Variants in RSRC1 observed in about 807,000 individuals in gnomAD.
The protein encoded by RSRC1 is arginine and serine rich coiled-coil 1, also known as serine/Arginine-related protein 53.
Under a neutral mutation model 49.1 loss-of-function variants are expected in RSRC1, and 39 were observed. The observed-to-expected ratio is 0.79, with a 90% CI of 0.61 to 1.04. The LOEUF is 1.04. Among genes scored for constraint, RSRC1 ranks in the 50% least tolerant of loss-of-function variants. The pLI is 0.00. For missense variants in RSRC1, 388 were observed against 402.4 expected (o/e 0.96, Z 0.31); for synonymous variants, 143 against 130.8 (o/e 1.09, Z -0.63).
chr3:158,270,021 AT>A (rs1429733639), intron 4 of RSRC1, among the ~76,000 whole-genome samples: 2 of 152,102 alleles, frequency 1.3e-5, no homozygotes, highest in African/African-American at 2.4e-5. Context: ...TAGACAGAAG[AT>A]TTTGTTTCCT....
At chr3:158,406,861 A>G (rs377458322) in intron 6 of RSRC1, among the ~76,000 whole-genome samples, 1 of 152,226 alleles carries the variant, frequency 6.6e-6, no homozygotes, top group East Asian at 1.9e-4. Flanking sequence ...TCCTTTCAGC[A>G]GTGATGTAAT....
intron 5 of RSRC1, among the ~76,000 whole-genome samples, chr3:158,310,174 CCTTA>C (rs1355043248): frequency 6.6e-6 from 1 of 151,388 alleles, no homozygotes; most frequent in Admixed American, 6.6e-5. Context: ...TATATAAATA[CCTTA>C]CTTAATTTGA....
chr3:158,121,939 A>G (rs549235402), intron 1 of RSRC1, among the ~76,000 whole-genome samples, 164 bp from the exon 2 acceptor site: 12 of 152,310 alleles, frequency 7.9e-5, no homozygotes, highest in African/African-American at 2.9e-4. Context: ...CAGGACTTCC[A>G]GGTTGCAGTG....
At chr3:158,141,201 C>T (rs1399519896) in intron 3 of RSRC1, among the ~76,000 whole-genome samples, 2 of 152,174 alleles carry the variant, frequency 1.3e-5, no homozygotes, top group African/African-American at 2.4e-5. Flanking sequence ...AAGAAGTCCA[C>T]AGCTTCTATT....
At chr3:158,523,106 A>G (rs1210463889) in intron 7 of RSRC1, among the ~76,000 whole-genome samples, 1 of 152,114 alleles carries the variant, frequency 6.6e-6, no homozygotes, top group African/African-American at 2.4e-5. Flanking sequence ...ATCCATTTCC[A>G]GACACTATTT....
intron 6 of RSRC1, among the ~76,000 whole-genome samples, chr3:158,397,439 C>T (rs1402405563): frequency 7.2e-5 from 11 of 152,068 alleles, no homozygotes; most frequent in East Asian, 1.9e-4. Context: ...CATAGGGAGA[C>T]GGAAATACCA....
chr3:158,509,907 G>A (rs1403181067), intron 7 of RSRC1, among the ~76,000 whole-genome samples: 1 of 152,006 alleles, frequency 6.6e-6, no homozygotes, highest in East Asian at 1.9e-4. Context: ...CTCTCTCCTG[G>A]TACACATGTG....
intron 6 of RSRC1, among the ~76,000 whole-genome samples, chr3:158,355,938 T>C (rs924547417): frequency 6.6e-6 from 1 of 151,826 alleles, no homozygotes; most frequent in African/African-American, 2.4e-5. Context: ...CTATATTTTT[T>C]CCTATACATA....
chr3:158,259,947 C>G (rs967192902), intron 4 of RSRC1, among the ~76,000 whole-genome samples: 10 of 151,926 alleles, frequency 6.6e-5, no homozygotes, highest in Non-Finnish European at 1.0e-4. Flanking sequence ...GTTAATGTTG[C>G]CATGTCTGGG....
chr3:158,471,270 T>C (rs1458512667), intron 7 of RSRC1, among the ~76,000 whole-genome samples: 2 of 152,210 alleles, frequency 1.3e-5, no homozygotes, highest in African/African-American at 4.8e-5. Flanking sequence ...CAGAGTGATT[T>C]GGATATCAAC....
At chr3:158,224,786 A>G (rs1722430157) in intron 4 of RSRC1, among the ~76,000 whole-genome samples, 2 of 151,848 alleles carry the variant, frequency 1.3e-5, no homozygotes, top group South Asian at 4.1e-4. Context: ...TATTTTAGAT[A>G]TAATTATTTT....
chr3:158,303,302 A>C (rs961159951), intron 5 of RSRC1: 2 of 152,244 alleles, frequency 1.3e-5, no homozygotes, highest in African/African-American at 4.8e-5. Context: ...TTCTGGCTTG[A>C]AAGAAGGACA....
At chr3:158,280,419 T>C (rs143691449) in intron 4 of RSRC1, among the ~76,000 whole-genome samples, 150 of 152,252 alleles carry the variant, frequency 9.9e-4, no homozygotes, top group African/African-American at 3.4e-3. Flanking sequence ...TATTTGTGCG[T>C]TGGTTTTTAT....
intron 7 of RSRC1, among the ~76,000 whole-genome samples, chr3:158,502,929 G>A (rs966414452): frequency 1.3e-5 from 2 of 152,110 alleles, no homozygotes; most frequent in African/African-American, 2.4e-5. Flanking sequence ...ATTTTTGGGG[G>A]TTGTCAAAGA....
intron 8 of RSRC1, among the ~76,000 whole-genome samples, chr3:158,540,497 G>A (rs1412908199): frequency 6.6e-6 from 1 of 151,742 alleles, no homozygotes; most frequent in Non-Finnish European, 1.5e-5. Flanking sequence ...GTCCATGAGG[G>A]AATAAATCTG....
chr3:158,410,241 C>T (rs977558078), intron 6 of RSRC1, among the ~76,000 whole-genome samples: 1 of 152,170 alleles, frequency 6.6e-6, no homozygotes. Context: ...CCAGTCTCAT[C>T]CTGGACCACT....
chr3:158,366,863 A>G (rs1301599079), intron 6 of RSRC1, among the ~76,000 whole-genome samples: 1 of 152,098 alleles, frequency 6.6e-6, no homozygotes, highest in Non-Finnish European at 1.5e-5. Flanking sequence ...GGTCCTTCAT[A>G]TCCCTTGTAA....
At chr3:158,518,122 GTGTGTATATA>G (rs1338488923) in intron 7 of RSRC1, among the ~76,000 whole-genome samples, 1,852 of 62,704 alleles carry the variant, frequency 0.03, 40 homozygotes, top group Middle Eastern at 0.083. Context: ...GTGTGTGTGT[GTGTGTATATA>G]TATATATATA....
chr3:158,324,281 G>A (rs900712291), intron 5 of RSRC1, among the ~76,000 whole-genome samples: 1 of 151,584 alleles, frequency 6.6e-6, no homozygotes, highest in Non-Finnish European at 1.5e-5. Flanking sequence ...TGTGCACAAC[G>A]TGCAGGTTTG....
Sources: allele counts gnomAD v4.1 joint callset (sites outside exome capture counted in the v4.1 genomes callset), GRCh38; gene constraint gnomAD v4.1.1; transcripts MANE v1.5; gene names NCBI Gene and HGNC (gene_info 2026-07-23, HGNC 2026-07-21).